Variants in ATXN7 observed in about 807,000 individuals in gnomAD.
ATXN7 encodes ataxin 7, also known as ataxin-7.
A neutral mutation model predicts 70.5 loss-of-function variants in ATXN7; 12 were observed. That is an observed-to-expected ratio of 0.17 (90% confidence interval 0.11 to 0.28). ATXN7 has a LOEUF of 0.28. ATXN7 is among the 10% of genes least tolerant of loss of function. The pLI, the probability that ATXN7 is intolerant of heterozygous loss-of-function variation, is 1.00. For missense variants in ATXN7, 1,256 were observed against 1,131.7 expected (o/e 1.11, Z -1.58); for synonymous variants, 498 against 448.7 (o/e 1.11, Z -1.39).
chr3:63,950,982 G>A (rs1437568441), intron 4 of ATXN7, among the ~76,000 whole-genome samples: 1 of 152,088 alleles, frequency 6.6e-6, no homozygotes, highest in Non-Finnish European at 1.5e-5. Context: ...TTATAAGTCA[G>A]AATTGAATTC....
In ATXN7 at chr3:63,917,577, T is replaced by TAA. The variant is rs141940351; in HGVS notation, c.394+4352_394+4353insAA. On this transcript the variant is annotated intron_variant, in intron 4 of 12. Coordinates refer to ENST00000674280, the MANE Select transcript of ATXN7 (RefSeq NM_001377405.1). ...CTTCTTTGGGAAGCTGTCCATAACT[T>TAA]CTCTAAGTCTAACCGTTGTGTGGTA... 6.9e-3 allele frequency among the ~76,000 whole-genome samples: 1,046 copies of TAA among 152,284 alleles called. 5 individuals carry two copies. Among genetic ancestry groups the TAA allele is most frequent in the Non-Finnish European group, 0.011 (768 of 68,030 alleles).
At chr3:63,994,879 C>T (rs1364537740) in intron 11 of ATXN7, among the ~76,000 whole-genome samples, 1 of 152,222 alleles carries the variant, frequency 6.6e-6, no homozygotes, top group Non-Finnish European at 1.5e-5. Context: ...TAATAAATAC[C>T]TTGCCCACAC....
At chr3:63,942,110 G>T (rs6772000) in intron 4 of ATXN7, among the ~76,000 whole-genome samples, 1 of 152,202 alleles carries the variant, frequency 6.6e-6, no homozygotes, top group Non-Finnish European at 1.5e-5. Context: ...GCAGGAGTCT[G>T]CTGGCAGATA....
chr3:63,908,580 T>C (rs1395378241), intron 2 of ATXN7, among the ~76,000 whole-genome samples: 1 of 152,258 alleles, frequency 6.6e-6, no homozygotes, highest in Non-Finnish European at 1.5e-5. Context: ...TGTAGTTAAC[T>C]GCTTTTCAAG....
At chr3:63,876,887 A>C (rs1702761678) in intron 1 of ATXN7, among the ~76,000 whole-genome samples, 1 of 152,228 alleles carries the variant, frequency 6.6e-6, no homozygotes, top group South Asian at 2.1e-4. Flanking sequence ...GCGTTCTTAC[A>C]GAGAGAAATA....
chr3:63,951,141 T>A (rs1484021452), intron 4 of ATXN7, among the ~76,000 whole-genome samples: 1 of 152,106 alleles, frequency 6.6e-6, no homozygotes, highest in African/African-American at 2.4e-5. Flanking sequence ...TGCAAGTACA[T>A]CCCCAAATCG....
At chr3:63,904,238 T>G (rs1252014902) in intron 2 of ATXN7, 1 of 152,236 alleles carries the variant, frequency 6.6e-6, no homozygotes, top group East Asian at 1.9e-4. Context: ...TTTTTAAGAT[T>G]TATTCATGTT....
chr3:63,906,772 G>T lies in ATXN7; in HGVS notation c.-11-5816G>T, dbSNP rs1703854472. Among the ~76,000 whole-genome samples the T allele has an allele frequency of 2.6e-5, 4 of 152,194 alleles. No individual in the cohort carries two copies. The South Asian group carries it at 6.2e-4, about 24-fold the overall frequency. ...ATGAGCAAAGGCTTGGGAACTGGGA[G>T]TTGGATGGGGTTGGGGTGGGGGCAT... On this transcript the variant is annotated intron_variant, in intron 2 of 12. Transcript: ENST00000674280.
rs1235818307 is a variant in ATXN7, at chr3:63,865,629, C to T, written c.-111+1471C>T. Among the ~76,000 whole-genome samples the T allele has an allele frequency of 7.9e-5, 12 of 152,170 alleles. No individual in the cohort carries two copies. The East Asian group carries it at 2.1e-3, about 27-fold the overall frequency. On this transcript the variant is annotated intron_variant, in intron 1 of 12. Coordinates refer to ENST00000674280, the MANE Select transcript of ATXN7 (RefSeq NM_001377405.1). The stretch of plus-strand genomic sequence containing the variant: ...ATTGTCGGCCGGGCGCGGTGGCTCA[C>T]GCCTGTAATCCCAGCACTTTGGGAG...
intron 4 of ATXN7, among the ~76,000 whole-genome samples, chr3:63,924,929 C>G (rs72880336): frequency 0.025 from 3,741 of 152,178 alleles, 164 homozygotes; most frequent in African/African-American, 0.087. Flanking sequence ...GTTTGTCTGC[C>G]ACTGGGAATG....
chr3:63,912,776 C>T lies in ATXN7; in HGVS notation c.178C>T (p.Pro60Ser), dbSNP rs754355306. The part of the protein sequence containing the change: ...HPPPPPRRTR[P>S]EDGGPGAAST... ...GCCACCGCCGCCACGGCGCACACGGCCGGAGGACGGCGGGCCCGGCGCCGC... is the reference window on the plus strand; with the variant it reads ...GCCACCGCCGCCACGGCGCACACGGTCGGAGGACGGCGGGCCCGGCGCCGC... Residue 60 changes from proline (P) to serine (S), a missense_variant, in exon 3 of 13, where the codon CCG becomes TCG. Transcript: ENST00000674280. 2.7e-6 allele frequency: 4 copies of T among 1,495,364 alleles called. No individual in the cohort carries two copies. Among genetic ancestry groups the T allele is most frequent in the South Asian group, 1.3e-5 (1 of 77,542 alleles). The allele number at this position is 1,495,364 out of a possible 1,614,324, so 92.6% of individuals were successfully genotyped here. A position where few individuals can be genotyped will look rare whatever the true frequency, so the allele number is the denominator to read the frequency against.
chr3:63,989,698 A>G (rs2075637204), intron 9 of ATXN7, among the ~76,000 whole-genome samples: 2 of 152,160 alleles, frequency 1.3e-5, no homozygotes, highest in South Asian at 4.1e-4. Flanking sequence ...ATACTACACC[A>G]TTTTATATCA....
At chr3:63,915,438 A>G (rs996716025) in intron 4 of ATXN7, among the ~76,000 whole-genome samples, 1 of 152,322 alleles carries the variant, frequency 6.6e-6, no homozygotes, top group East Asian at 1.9e-4. Flanking sequence ...GATGTTCAGC[A>G]CTCACTCAGT....
chr3:63,887,027 C>T (rs1391456660), intron 1 of ATXN7, among the ~76,000 whole-genome samples: 1 of 152,162 alleles, frequency 6.6e-6, no homozygotes, highest in East Asian at 1.9e-4. Context: ...TCTTCCCACT[C>T]CCATGAAGTT....
chr3:63,982,253 G>A lies in ATXN7; in HGVS notation c.820G>A (p.Val274Met), dbSNP rs1232500537. Residue 274 changes from valine to methionine, a missense_variant, in exon 7 of 13, where the codon GTG (valine) becomes ATG (methionine). By Grantham distance (21) the Val-to-Met change is conservative. Transcript: ENST00000674280. ...KMDGTLLKSA[V>M]GPTCPATVSS... ...GGATGGCACACTACTGAAATCTGCG[G>A]TGGGGCCAACCTGTCCTGCTACTGT... The A allele has an allele frequency of 5.6e-6, 9 of 1,614,120 alleles. No individual in the cohort carries two copies. Among genetic ancestry groups the A allele is most frequent in the Non-Finnish European group, 7.6e-6 (9 of 1,180,012 alleles).
intron 4 of ATXN7, among the ~76,000 whole-genome samples, chr3:63,951,115 A>G (rs527331049): frequency 1.3e-5 from 2 of 152,324 alleles, no homozygotes; most frequent in Non-Finnish European, 2.9e-5. Context: ...AATAGCTTGT[A>G]GAAACTACTC....
chr3:63,959,193 A>G (rs2075084166), intron 5 of ATXN7, among the ~76,000 whole-genome samples: 1 of 152,186 alleles, frequency 6.6e-6, no homozygotes, highest in Admixed American at 6.5e-5. Context: ...CTCTTTTTGT[A>G]TGAGACTCGT....
chr3:63,970,995 T>C (rs2075303708), intron 5 of ATXN7, among the ~76,000 whole-genome samples: 1 of 152,320 alleles, frequency 6.6e-6, no homozygotes, highest in African/African-American at 2.4e-5. Flanking sequence ...ATGACTCTCT[T>C]TTCTGCACTT....
At chr3:63,982,753 C>G in intron 7 of ATXN7, 186 bp from the exon 8 acceptor site, 1 of 613,642 alleles carries the variant, frequency 1.6e-6, no homozygotes, top group South Asian at 2.0e-5. Context: ...GTAGTCACCC[C>G]CTGTCTTAGT....
Sources: gnomAD v4.1 joint callset for allele counts (sites outside exome capture counted in the v4.1 genomes callset) on GRCh38, gnomAD v4.1.1 for gene constraint, MANE v1.5 for transcripts, NCBI Gene and HGNC (gene_info 2026-07-23, HGNC 2026-07-21) for gene names.